The following ASB3 variants were observed in gnomAD, a reference collection of about 807,000 sequenced individuals.
The protein encoded by ASB3 is ankyrin repeat and SOCS box containing 3, also known as ankyrin repeat and SOCS box protein 3.
In ASB3, 41 loss-of-function variants were observed where a neutral mutation model predicts 54.5. The observed-to-expected ratio is 0.75, with a 90% CI of 0.59 to 0.98. The LOEUF (loss-of-function observed/expected upper bound fraction) is 0.98. Ranked by LOEUF, ASB3 falls within the 50% of genes least tolerant of loss-of-function variation. The probability of loss-of-function intolerance (pLI) is 0.00; values close to 1 mark genes in which losing one functional copy is unlikely to be tolerated. For missense variants in ASB3, 733 were observed against 620.0 expected (o/e 1.18, Z -1.94); for synonymous variants, 266 against 221.2 (o/e 1.20, Z -1.80).
At chr2:53,714,629 A>T (rs753521895) in intron 6 of ASB3, 48 bp from the exon 7 acceptor site, 1 of 1,572,674 alleles carries the variant, frequency 6.4e-7, no homozygotes, top group South Asian at 1.2e-5. Flanking sequence ...ATATGTGCAT[A>T]AATGTAGGCA....
rs527778022 is a variant in ASB3, at chr2:53,700,653, T to C, written c.981-125A>G. The C allele has an allele frequency of 1.7e-5, 22 of 1,309,328 alleles. No homozygotes were observed. In the African/African-American group the frequency reaches 3.3e-4, roughly 20 times the overall value. 81.1% of individuals were successfully genotyped at this position (1,309,328 alleles called of 1,614,324 possible). A position where few individuals can be genotyped will look rare whatever the true frequency, so the allele number is the denominator to read the frequency against. On this transcript the variant is annotated intron_variant, in intron 7 of 9. Coordinates refer to ENST00000263634, the MANE Select transcript of ASB3 (RefSeq NM_016115.5). ...ATGGCAGATTAAATAGTGGATGGTT[T>C]CTACACATCTAGTGGATTGAGATTA...
At chr2:53,733,554 G>T (rs887907140) in intron 3 of ASB3, among the ~76,000 whole-genome samples, 1 of 152,022 alleles carries the variant, frequency 6.6e-6, no homozygotes, top group East Asian at 1.9e-4. Context: ...CGGTTCTCCT[G>T]CGTCAGCCTC....
chr2:53,720,135 ACT>A (rs1157105773), intron 5 of ASB3, among the ~76,000 whole-genome samples: 4 of 107,602 alleles, frequency 3.7e-5, no homozygotes, highest in Admixed American at 1.7e-4. Context: ...CTAATCAGAA[ACT>A]CAAAAAAAAA....
chr2:53,717,082 C>A (rs190603739), intron 5 of ASB3, among the ~76,000 whole-genome samples: 3 of 152,230 alleles, frequency 2.0e-5, no homozygotes, highest in African/African-American at 7.2e-5. Context: ...GCCTCTACGT[C>A]AGCAAGAAAA....
At chr2:53,712,767 C>G (rs142093847) in intron 7 of ASB3, among the ~76,000 whole-genome samples, 1 of 147,544 alleles carries the variant, frequency 6.8e-6, no homozygotes, top group Admixed American at 6.7e-5. Context: ...CACACACACA[C>G]AGGCGCGCGC....
chr2:53,676,899 G>T (rs772392859), intron 9 of ASB3, among the ~76,000 whole-genome samples: 6 of 152,162 alleles, frequency 3.9e-5, no homozygotes, highest in Admixed American at 2.0e-4. Flanking sequence ...CTCCCGAGTT[G>T]CTGGGATTAC....
chr2:53,783,046 T>C (rs1372039099), intron 1 of ASB3, among the ~76,000 whole-genome samples: 1 of 152,074 alleles, frequency 6.6e-6, no homozygotes, highest in Non-Finnish European at 1.5e-5. Flanking sequence ...GTGCTGGAAT[T>C]ACCGGTGTGA....
intron 1 of ASB3, among the ~76,000 whole-genome samples, chr2:53,778,062 T>C (rs966233476): frequency 6.6e-6 from 1 of 150,440 alleles, no homozygotes; most frequent in African/African-American, 2.5e-5. Flanking sequence ...GCCAGGAGAA[T>C]TGCTTGAACC....
intron 2 of ASB3, among the ~76,000 whole-genome samples, chr2:53,756,334 T>G (rs1672824811): frequency 1.3e-5 from 2 of 152,222 alleles, no homozygotes; most frequent in Non-Finnish European, 2.9e-5. Context: ...TCCCTTTCTT[T>G]GCTTAAGCTA....
intron 1 of ASB3, among the ~76,000 whole-genome samples, chr2:53,773,688 C>G (rs1674112150): frequency 6.6e-6 from 1 of 151,820 alleles, no homozygotes; most frequent in African/African-American, 2.4e-5. Flanking sequence ...CTCGGCCTCC[C>G]AAAGTGCTGG....
At chr2:53,745,641 C>T (rs1215978936) in intron 3 of ASB3, among the ~76,000 whole-genome samples, 1 of 152,188 alleles carries the variant, frequency 6.6e-6, no homozygotes, top group African/African-American at 2.4e-5. Context: ...TCACTTTCTA[C>T]CCCTAGATCC....
At chr2:53,747,261 T>A (rs1023363465) in intron 3 of ASB3, among the ~76,000 whole-genome samples, 1 of 152,116 alleles carries the variant, frequency 6.6e-6, no homozygotes, top group African/African-American at 2.4e-5. Flanking sequence ...AGAAAAAGAA[T>A]ACAGCTGGGC....
intron 9 of ASB3, among the ~76,000 whole-genome samples, chr2:53,691,755 C>T (rs375258728): frequency 3.9e-5 from 6 of 152,142 alleles, no homozygotes; most frequent in Non-Finnish European, 8.8e-5. Context: ...GAGTCACAAT[C>T]CCATCTGAAA....
intron 9 of ASB3, among the ~76,000 whole-genome samples, chr2:53,681,211 T>C (rs1160374372): frequency 6.6e-6 from 1 of 152,224 alleles, no homozygotes; most frequent in Non-Finnish European, 1.5e-5. Flanking sequence ...ATATACTGAT[T>C]TCCTCTCTTT....
chr2:53,734,773 C>T (rs941483363), intron 3 of ASB3, among the ~76,000 whole-genome samples: 2 of 152,320 alleles, frequency 1.3e-5, no homozygotes, highest in Middle Eastern at 3.4e-3. Context: ...TCCATGTCAA[C>T]AGCACTGTTG....
At chr2:53,767,890 T>C (rs1288175097) in intron 1 of ASB3, 1 of 1,610,272 alleles carries the variant, frequency 6.2e-7, no homozygotes, top group East Asian at 2.2e-5. Flanking sequence ...CGAGAAGATG[T>C]GGGTTTTTGG....
chr2:53,682,858 G>C (rs1668449163), intron 9 of ASB3, among the ~76,000 whole-genome samples: 1 of 152,186 alleles, frequency 6.6e-6, no homozygotes, highest in Non-Finnish European at 1.5e-5. Flanking sequence ...CTGTTCATCA[G>C]TTCTAATAGG....
intron 3 of ASB3, among the ~76,000 whole-genome samples, chr2:53,749,607 T>A (rs1362712739): frequency 6.6e-6 from 1 of 152,098 alleles, no homozygotes; most frequent in Non-Finnish European, 1.5e-5. Context: ...ATCTATTTAA[T>A]AGAATACGAT....
chr2:53,680,243 C>G (rs1668296800), intron 9 of ASB3, among the ~76,000 whole-genome samples: 1 of 152,100 alleles, frequency 6.6e-6, no homozygotes, highest in Admixed American at 6.5e-5. Flanking sequence ...GATTTCTATT[C>G]CTAAGGGTAT....
Sources: gnomAD v4.1 joint callset for allele counts (sites outside exome capture counted in the v4.1 genomes callset) on GRCh38, gnomAD v4.1.1 for gene constraint, MANE v1.5 for transcripts, NCBI Gene and HGNC (gene_info 2026-07-23, HGNC 2026-07-21) for gene names.